SOCS2: variants seen among roughly 807,000 people sequenced by gnomAD.
SOCS2 encodes the protein suppressor of cytokine signaling 2, also known as CIS-2.
Under a neutral mutation model 18.6 loss-of-function variants are expected in SOCS2, and 10 were observed. The ratio of observed to expected loss-of-function variants is 0.54; its 90% CI spans 0.33 to 0.91. The LOEUF is 0.91. Among genes scored for constraint, SOCS2 ranks in the 40% least tolerant of loss-of-function variants. The pLI is 0.02. For synonymous variants in SOCS2, 104 were observed against 104.0 expected (o/e 1.00, Z 0.00); for missense variants, 231 against 247.2 (o/e 0.93, Z 0.44).
intron 1 of SOCS2, among the ~76,000 whole-genome samples, chr12:93,582,771 T>C (rs1383421359): frequency 1.3e-5 from 2 of 152,092 alleles, no homozygotes; most frequent in Non-Finnish European, 2.9e-5. Context: ...ATCTCTGTTA[T>C]CTGTAAATTG....
chr12:93,623,778 C>T, the SOCS2 span, among the ~76,000 whole-genome samples: 1 of 152,116 alleles, frequency 6.6e-6, no homozygotes. Flanking sequence ...GATCTCAGCT[C>T]ACTGCAACCT....
the SOCS2 span, among the ~76,000 whole-genome samples, chr12:93,614,542 T>TCCTTC: frequency 3.3e-5 from 1 of 30,440 alleles, no homozygotes; most frequent in African/African-American, 2.2e-4. Flanking sequence ...CTTCCTTCCT[T>TCCTTC]CTTTCTTTCT....
chr12:93,599,350 T>TG, the SOCS2 span, among the ~76,000 whole-genome samples: 2 of 152,064 alleles, frequency 1.3e-5, no homozygotes, highest in African/African-American at 4.8e-5. Flanking sequence ...TTTGTATAGA[T>TG]GGGGTCTTGC....
At position 93,575,211 on chromosome 12, in the gene SOCS2, A is replaced by G; in HGVS notation, c.*32A>G. On this transcript the variant is annotated 3_prime_UTR_variant, in exon 2 of 2. Transcript: ENST00000551556. ...CTCTTTTTTTAAACATGTCTCACAT[A>G]GAGTATCTCCGAATGCAGCTATGTA... 2 of 1,460,662 alleles carry G rather than the reference A, an allele frequency of 1.4e-6. No homozygotes were observed. Among genetic ancestry groups the G allele is most frequent in the Non-Finnish European group, 1.8e-6 (2 of 1,089,640 alleles). 90.5% of individuals were successfully genotyped at this position (1,460,662 alleles called of 1,614,324 possible). A position where few individuals can be genotyped will look rare whatever the true frequency, so the allele number is the denominator to read the frequency against.
In SOCS2 at chr12:93,576,514, G is replaced by C. The variant is rs1954466435; in HGVS notation, c.*1335G>C. 1 of 152,212 alleles carries C rather than the reference G, an allele frequency of 6.6e-6. No individual in the cohort carries two copies. 9.4% of individuals were successfully genotyped at this position (152,212 alleles called of 1,614,324 possible). On this transcript the variant is annotated 3_prime_UTR_variant, in exon 2 of 2. Transcript: ENST00000551556. Reference sequence around the variant, plus strand: ...ACATGGCCAGTCTTTTACAAGTTGAGTAGGCATAATACTAAAGAAAAATAC... The same window carrying C: ...ACATGGCCAGTCTTTTACAAGTTGACTAGGCATAATACTAAAGAAAAATAC...
chr12:93,607,922 T>G, the SOCS2 span, among the ~76,000 whole-genome samples: 1 of 152,056 alleles, frequency 6.6e-6, no homozygotes, highest in Non-Finnish European at 1.5e-5. Context: ...TCTAAAAAAT[T>G]TATTCTCAAC....
At position 93,572,978 on chromosome 12, in the gene SOCS2, G is replaced by A; in HGVS notation, c.81G>A (p.Glu27=). ...AGTGGGGGACCGCGGGGTCGGCGGA[G>A]GAGCCATCCCCGCAGGCGGCGCGTC... ...RSQWGTAGSA[E]EPSPQAARLA... The change falls in exon 1 of 2, where the codon GAG becomes GAA. Residue 27 remains glutamate, a synonymous_variant. Coordinates refer to ENST00000551556, the MANE Select transcript of SOCS2 (RefSeq NM_001270471.2). The surrounding 1 kb of genome is among the most constrained non-coding windows in gnomAD (Gnocchi z 5.0). 6.4e-7 allele frequency: 1 copy of A among 1,569,780 alleles called. No homozygotes were observed. The highest frequency in any genetic ancestry group is 1.2e-5 in the South Asian group (1 of 85,868).
chr12:93,615,750 C>G, the SOCS2 span, among the ~76,000 whole-genome samples: 289 of 152,256 alleles, frequency 1.9e-3, 1 homozygote, highest in African/African-American at 6.6e-3. Flanking sequence ...CATGAGCCAC[C>G]ATGTTCAGCT....
the SOCS2 span, among the ~76,000 whole-genome samples, chr12:93,605,443 T>C: frequency 6.6e-6 from 1 of 152,166 alleles, no homozygotes; most frequent in Non-Finnish European, 1.5e-5. Context: ...GCTTCAACCA[T>C]ACCTGTGAAG....
At chr12:93,591,226 A>C in the SOCS2 span, among the ~76,000 whole-genome samples, 1 of 151,860 alleles carries the variant, frequency 6.6e-6, no homozygotes, top group Non-Finnish European at 1.5e-5. Flanking sequence ...TATGGTTAGA[A>C]AGGGAGGTGT....
the SOCS2 span, among the ~76,000 whole-genome samples, chr12:93,602,017 C>A: frequency 5.9e-5 from 9 of 152,194 alleles, no homozygotes; most frequent in African/African-American, 2.2e-4. Flanking sequence ...TAGACTCAAA[C>A]ACATTCTAGA....
the SOCS2 span, among the ~76,000 whole-genome samples, chr12:93,590,409 T>C: frequency 6.6e-6 from 1 of 152,108 alleles, no homozygotes; most frequent in Non-Finnish European, 1.5e-5. Flanking sequence ...GAGACTACTC[T>C]GGGATTAATT....
At chr12:93,580,853 A>G (rs925808465), downstream of SOCS2, among the ~76,000 whole-genome samples, 2 of 152,162 alleles carry the variant, frequency 1.3e-5, no homozygotes, top group Non-Finnish European at 2.9e-5. Flanking sequence ...GGATTAGAGC[A>G]TCTGCTCTTA....
the SOCS2 span, among the ~76,000 whole-genome samples, chr12:93,598,865 G>C: frequency 6.6e-6 from 1 of 152,150 alleles, no homozygotes; most frequent in Non-Finnish European, 1.5e-5. Flanking sequence ...CAATAGAATT[G>C]CTGGGGTCTT....
At chr12:93,615,833 T>C in the SOCS2 span, among the ~76,000 whole-genome samples, 1 of 152,206 alleles carries the variant, frequency 6.6e-6, no homozygotes, top group Non-Finnish European at 1.5e-5. Flanking sequence ...TGCCTTCAAG[T>C]GATCCTCCCG....
chr12:93,600,147 T>A, the SOCS2 span, among the ~76,000 whole-genome samples: 1 of 152,254 alleles, frequency 6.6e-6, no homozygotes, highest in Admixed American at 6.5e-5. Flanking sequence ...AAAAAAAAAT[T>A]AATAAATGGA....
At chr12:93,570,892 C>A (rs1368617776), upstream of SOCS2, 1 of 152,536 alleles carries the variant, frequency 6.6e-6, no homozygotes, top group Non-Finnish European at 1.5e-5. Flanking sequence ...TCACGTGAGG[C>A]CGATTCCTGG....
the SOCS2 span, among the ~76,000 whole-genome samples, chr12:93,614,480 T>TTTCTTTCTTTCCTTCC: frequency 1.9e-4 from 5 of 26,134 alleles, no homozygotes; most frequent in African/African-American, 1.1e-3. Flanking sequence ...CCTTCCTTCC[T>TTTCTTTCTTTCCTTCC]TTCCTTCCTT....
chr12:93,626,138 TAAAGTA>T, the SOCS2 span, among the ~76,000 whole-genome samples: 1 of 152,160 alleles, frequency 6.6e-6, no homozygotes, highest in African/African-American at 2.4e-5. Flanking sequence ...GGGGTGTAGT[TAAAGTA>T]AAATGAGCCT....
Sources: gnomAD v4.1 joint callset for allele counts (sites outside exome capture counted in the v4.1 genomes callset) on GRCh38, gnomAD v4.1.1 for gene constraint, Gnocchi (gnomAD v3.1) non-coding constraint, MANE v1.5 for transcripts, NCBI Gene and HGNC (gene_info 2026-07-23, HGNC 2026-07-21) for gene names.